Variants in CALN1 observed in about 807,000 individuals in gnomAD.
CALN1 encodes calneuron 1.
CALN1 carries 17 observed loss-of-function variants against 30.6 expected under a neutral mutation model. The ratio of observed to expected loss-of-function variants is 0.56; its 90% CI spans 0.38 to 0.83. The LOEUF (loss-of-function observed/expected upper bound fraction) is 0.83, where lower values mean the gene tolerates loss of function less well. Among genes scored for constraint, CALN1 ranks in the 40% least tolerant of loss-of-function variants. CALN1 has a pLI of 0.00. For synonymous variants in CALN1, 156 were observed against 131.4 expected (o/e 1.19, Z -1.28); for missense variants, 291 against 354.9 (o/e 0.82, Z 1.45).
intron 1 of CALN1, among the ~76,000 whole-genome samples, chr7:72,446,406 GA>G (rs1808527317): frequency 6.6e-6 from 1 of 152,068 alleles, no homozygotes; most frequent in Non-Finnish European, 1.5e-5. Context: ...GGCTAGAAGT[GA>G]GTTTCCTCAA....
chr7:72,072,188 G>A (rs1360952459), intron 4 of CALN1, among the ~76,000 whole-genome samples: 2 of 152,128 alleles, frequency 1.3e-5, no homozygotes, highest in Admixed American at 6.5e-5. Context: ...CTTCATCTAA[G>A]ATGAACTCAA....
the CALN1 span, among the ~76,000 whole-genome samples, chr7:72,482,998 GTTATT>G: frequency 1.3e-5 from 2 of 152,100 alleles, no homozygotes; most frequent in African/African-American, 4.8e-5. Flanking sequence ...AGTGCAAAGG[GTTATT>G]TTGTTTGTTT....
At chr7:71,894,124 T>A (rs1348381243) in intron 5 of CALN1, among the ~76,000 whole-genome samples, 1 of 152,238 alleles carries the variant, frequency 6.6e-6, no homozygotes, top group Non-Finnish European at 1.5e-5. Flanking sequence ...GAGCCCTACT[T>A]GTGGAGTAAC....
At chr7:72,502,774 A>C in the CALN1 span, among the ~76,000 whole-genome samples, 1 of 152,146 alleles carries the variant, frequency 6.6e-6, no homozygotes, top group Non-Finnish European at 1.5e-5. Flanking sequence ...CTAGGAAAAC[A>C]ATTTCTCTCT....
rs1010635078 is a variant in CALN1, at chr7:71,978,262, C to CTTTTTTTTTTTTTTTT, written c.501+45379_501+45394dup. 6.7e-4 allele frequency among the ~76,000 whole-genome samples: 49 copies of CTTTTTTTTTTTTTTTT among 72,938 alleles called. 4 individuals carry two copies. Among genetic ancestry groups the CTTTTTTTTTTTTTTTT allele is most frequent in the African/African-American group, 2.4e-3 (43 of 17,640 alleles). 47.9% of individuals were successfully genotyped at this position (72,938 alleles called of 152,430 possible). The stretch of plus-strand genomic sequence containing the variant: ...AAAAACTCAGGGACTCTAGAGAATT[C>CTTTTTTTTTTTTTTTT]TTTTTTTTTTTTTTTTTTTTTTTTT... On this transcript the variant is annotated intron_variant, in intron 5 of 6. Transcript: ENST00000395275.
At chr7:72,468,627 G>A in the CALN1 span, among the ~76,000 whole-genome samples, 9 of 152,252 alleles carry the variant, frequency 5.9e-5, no homozygotes, top group South Asian at 8.3e-4. Flanking sequence ...GTTCAACTTC[G>A]TGAGGCACAA....
rs541738468 is a variant in CALN1, at chr7:71,798,814, T to C, written c.659-10912A>G. 2.7e-3 allele frequency among the ~76,000 whole-genome samples: 408 copies of C among 149,224 alleles called. 3 individuals carry two copies. The highest frequency in any genetic ancestry group is 9.5e-3 in the African/African-American group (383 of 40,522). On this transcript the variant is annotated intron_variant, in intron 6 of 6. Transcript: ENST00000395275. ...CTTTTTTTTGTATTTTTAGTAGAGA[T>C]GGGGTTTCACCATGTTGGCCAGGCT...
At chr7:72,177,326 C>T (rs754483036) in intron 3 of CALN1, among the ~76,000 whole-genome samples, 3 of 152,116 alleles carry the variant, frequency 2.0e-5, no homozygotes, top group African/African-American at 7.2e-5. Flanking sequence ...AATAAGACAT[C>T]CCGGGCTATG....
intron 2 of CALN1, among the ~76,000 whole-genome samples, chr7:72,375,715 C>G (rs754811620): frequency 7.2e-5 from 11 of 152,132 alleles, no homozygotes; most frequent in Non-Finnish European, 1.3e-4. Context: ...CTCCTGGCCT[C>G]AAGCAATCCT....
At chr7:72,239,283 A>AGCTAC (rs1441888238) in intron 3 of CALN1, among the ~76,000 whole-genome samples, 1 of 152,142 alleles carries the variant, frequency 6.6e-6, no homozygotes, top group Non-Finnish European at 1.5e-5. Context: ...TTGTATTCTC[A>AGCTAC]GCTACGCAGG....
chr7:72,479,331 T>C, the CALN1 span, among the ~76,000 whole-genome samples: 1 of 152,220 alleles, frequency 6.6e-6, no homozygotes, highest in African/African-American at 2.4e-5. Context: ...CCCACAAATA[T>C]ATTTATATGC....
chr7:71,856,300 A>G (rs1790943132), intron 5 of CALN1, among the ~76,000 whole-genome samples: 1 of 151,806 alleles, frequency 6.6e-6, no homozygotes. Context: ...TTGTATGTAT[A>G]TATTTTGAGA....
intron 4 of CALN1, among the ~76,000 whole-genome samples, chr7:72,076,237 C>T (rs533009412): frequency 7.2e-5 from 11 of 151,906 alleles, no homozygotes; most frequent in Admixed American, 5.9e-4. Context: ...CCATGGCACA[C>T]GTTCACCTAG....
At chr7:72,449,532 A>G (rs984715985), upstream of CALN1, among the ~76,000 whole-genome samples, 1 of 152,040 alleles carries the variant, frequency 6.6e-6, no homozygotes. Context: ...ACCCTTAGAT[A>G]CCCACAGCCC....
intron 5 of CALN1, among the ~76,000 whole-genome samples, chr7:71,869,489 G>C (rs2903599): frequency 0.11 from 17,376 of 152,192 alleles, 1,457 homozygotes; most frequent in East Asian, 0.44. Flanking sequence ...TGGGATTACA[G>C]GCTTGAGCCA....
chr7:72,214,006 C>G (rs1336982668), intron 3 of CALN1, among the ~76,000 whole-genome samples: 1 of 152,084 alleles, frequency 6.6e-6, no homozygotes, highest in Non-Finnish European at 1.5e-5. Context: ...GGGTACCCAA[C>G]AAGACAGCCA....
At chr7:71,927,217 T>C (rs959094366) in intron 5 of CALN1, among the ~76,000 whole-genome samples, 2 of 145,616 alleles carry the variant, frequency 1.4e-5, no homozygotes, top group Admixed American at 1.4e-4. Flanking sequence ...ATTTTTTGTA[T>C]GTGTTTTTTT....
intron 2 of CALN1, among the ~76,000 whole-genome samples, chr7:72,395,357 G>GCACACACA (rs368564724): frequency 1.2e-4 from 18 of 150,286 alleles, no homozygotes; most frequent in African/African-American, 4.1e-4. Flanking sequence ...GCGCACGCGC[G>GCACACACA]CGCACACACA....
chr7:72,053,362 G>A (rs1802963798), intron 4 of CALN1, among the ~76,000 whole-genome samples: 1 of 152,238 alleles, frequency 6.6e-6, no homozygotes, highest in Non-Finnish European at 1.5e-5. Flanking sequence ...CGGCTGGTAG[G>A]TGATAGGAAC....
Sources: allele counts gnomAD v4.1 joint callset (sites outside exome capture counted in the v4.1 genomes callset), GRCh38; gene constraint gnomAD v4.1.1; transcripts MANE v1.5; gene names NCBI Gene and HGNC (gene_info 2026-07-23, HGNC 2026-07-21).